Variants in PDE1A observed in about 807,000 individuals in gnomAD.
PDE1A encodes the protein phosphodiesterase 1A, also known as dual specificity calcium/calmodulin-dependent 3',5'-cyclic nucleotide phosphodiesterase 1A.
PDE1A carries 35 observed loss-of-function variants against 61.7 expected under a neutral mutation model. The ratio of observed to expected loss-of-function variants is 0.57; its 90% confidence interval spans 0.43 to 0.75. PDE1A has a LOEUF of 0.75. Ranked by LOEUF, PDE1A falls within the 30% of genes least tolerant of loss-of-function variation. The probability of loss-of-function intolerance (pLI) is 0.00; values close to 1 mark genes in which losing one functional copy is unlikely to be tolerated. For missense variants in PDE1A, 597 were observed against 630.6 expected, an observed-to-expected ratio of 0.95 and a Z score of 0.57; for synonymous variants, 232 against 213.2, an observed-to-expected ratio of 1.09 and a Z score of -0.77.
chr2:182,509,951 C>A (rs929382243), intron 2 of PDE1A, among the ~76,000 whole-genome samples: 5 of 152,056 alleles, frequency 3.3e-5, no homozygotes, highest in Non-Finnish European at 5.9e-5. Flanking sequence ...CCTTGAACAT[C>A]CATACTTATG....
chr2:182,265,899 T>C (rs917470720), intron 1 of PDE1A, among the ~76,000 whole-genome samples: 2 of 152,204 alleles, frequency 1.3e-5, no homozygotes, highest in African/African-American at 2.4e-5. Context: ...AGATTGCGGC[T>C]ACTTTTAGGC....
intron 10 of PDE1A, 97 bp downstream of exon 10, chr2:182,201,342 G>T: frequency 6.9e-7 from 1 of 1,440,728 alleles, no homozygotes; most frequent in Admixed American, 2.2e-5. Context: ...GTTGATAATA[G>T]TAAGTCACAA....
chr2:182,604,306 G>T, the PDE1A span, among the ~76,000 whole-genome samples: 15 of 152,160 alleles, frequency 9.9e-5, no homozygotes, highest in Non-Finnish European at 1.6e-4. Flanking sequence ...AGCACTTTAA[G>T]CCATTCCTAA....
At chr2:182,436,619 GA>G (rs964182167) in intron 2 of PDE1A, among the ~76,000 whole-genome samples, 61 of 151,896 alleles carry the variant, frequency 4.0e-4, no homozygotes, top group African/African-American at 1.3e-3. Flanking sequence ...TGACCCAATG[GA>G]AAATGTGGAG....
In PDE1A at chr2:182,147,118, T is replaced by TAAG. The variant is rs772514679; in HGVS notation, c.1548_1550dup (p.Asp516_Leu517insPhe). 3.7e-6 allele frequency: 6 copies of TAAG among 1,608,344 alleles called. No individual in the cohort carries two copies. In the South Asian group the frequency reaches 5.5e-5, roughly 15 times the overall value. ...CATCATGTTTTTCTTCAGCATTTACTAAGTCTTCTGAGTTCTTATGAAGAT... is the reference window on the plus strand; with the variant it reads ...CATCATGTTTTTCTTCAGCATTTACTAAGAAGTCTTCTGAGTTCTTATGAAGAT... On this transcript the variant is annotated inframe_insertion, in exon 14 of 14. Coordinates refer to the PDE1A transcript ENST00000409365.
At chr2:182,705,318 A>G in the PDE1A span, among the ~76,000 whole-genome samples, 3 of 152,164 alleles carry the variant, frequency 2.0e-5, no homozygotes, top group African/African-American at 4.8e-5. Context: ...ACAATTATTG[A>G]GGGCACATAA....
At chr2:182,182,732 G>A (rs758284593) in intron 13 of PDE1A, among the ~76,000 whole-genome samples, 4 of 150,700 alleles carry the variant, frequency 2.7e-5, no homozygotes, top group Non-Finnish European at 4.4e-5. Context: ...GTTGTTTCTG[G>A]CATGTCAGGC....
chr2:182,313,502 T>C (rs942390786), intron 1 of PDE1A, among the ~76,000 whole-genome samples: 1 of 152,252 alleles, frequency 6.6e-6, no homozygotes, highest in Non-Finnish European at 1.5e-5. Flanking sequence ...ATCCAGATTT[T>C]TCTTTCTTTT....
rs1276873393 is a variant in PDE1A, at chr2:182,342,360, A to AT, written c.54-77947dup. ...TCATGAAGGTTTGTTGTAAAGAAAG[A>AT]TTTTTCAAAGATTCTGAAGCAAAAA... is the stretch of plus-strand genomic sequence containing the variant. On this transcript the variant is annotated intron_variant, in intron 1 of 13. Coordinates refer to ENST00000351439, the Ensembl canonical transcript of PDE1A. Among the ~76,000 whole-genome samples, 4 of 152,206 alleles carry AT rather than the reference A, an allele frequency of 2.6e-5. No homozygotes were observed. In the South Asian group the frequency reaches 6.2e-4, roughly 24 times the overall value.
intron 1 of PDE1A, among the ~76,000 whole-genome samples, chr2:182,366,657 C>G (rs1337688516): frequency 1.3e-5 from 2 of 151,828 alleles, no homozygotes; most frequent in Admixed American, 6.6e-5. Context: ...GCATGAGAAG[C>G]CAGACTGTTT....
the PDE1A span, among the ~76,000 whole-genome samples, chr2:182,621,464 C>A: frequency 6.6e-6 from 1 of 152,112 alleles, no homozygotes; most frequent in Admixed American, 6.5e-5. Flanking sequence ...ATCCTTTTTA[C>A]TCTCCAACCT....
the PDE1A span, among the ~76,000 whole-genome samples, chr2:182,538,558 T>A: frequency 6.6e-6 from 1 of 152,274 alleles, no homozygotes; most frequent in South Asian, 2.1e-4. Context: ...TCATGCCATA[T>A]AAGGAAAATA....
intron 13 of PDE1A, among the ~76,000 whole-genome samples, chr2:182,180,848 C>A (rs1464161270): frequency 6.6e-6 from 1 of 151,622 alleles, no homozygotes; most frequent in African/African-American, 2.4e-5. Context: ...TCTTCAAATT[C>A]TGATATCCTT....
At chr2:182,387,158 C>G (rs970868867) in intron 1 of PDE1A, among the ~76,000 whole-genome samples, 1 of 152,104 alleles carries the variant, frequency 6.6e-6, no homozygotes, top group Non-Finnish European at 1.5e-5. Context: ...TGTGTCCACT[C>G]AGGGTTAAAT....
At chr2:182,311,238 G>A (rs567906354) in intron 1 of PDE1A, among the ~76,000 whole-genome samples, 1 of 152,242 alleles carries the variant, frequency 6.6e-6, no homozygotes, top group Non-Finnish European at 1.5e-5. Context: ...CTAACCAAGT[G>A]AACCTACTCC....
At chr2:182,655,668 C>T in the PDE1A span, among the ~76,000 whole-genome samples, 1 of 152,214 alleles carries the variant, frequency 6.6e-6, no homozygotes, top group Admixed American at 6.5e-5. Context: ...TGAGGTCTTT[C>T]AGGAGAGTTT....
downstream of PDE1A, among the ~76,000 whole-genome samples, chr2:182,146,517 G>T (rs1690503738): frequency 6.6e-6 from 1 of 152,058 alleles, no homozygotes; most frequent in East Asian, 1.9e-4. Context: ...ATGGAGTCTT[G>T]CACTGTCACC....
intron 1 of PDE1A, among the ~76,000 whole-genome samples, chr2:182,307,372 G>A (rs62190170): frequency 0.38 from 57,984 of 151,880 alleles, 11,664 homozygotes; most frequent in Non-Finnish European, 0.47. Context: ...TTTTTGTTGT[G>A]GGAGTGGGTT....
intron 2 of PDE1A, among the ~76,000 whole-genome samples, chr2:182,437,656 C>G (rs930102412): frequency 6.6e-6 from 1 of 151,872 alleles, no homozygotes; most frequent in Non-Finnish European, 1.5e-5. Flanking sequence ...CTGGGACTGA[C>G]AAAACAAAGG....
Sources: gnomAD v4.1 joint callset for allele counts (sites outside exome capture counted in the v4.1 genomes callset) on GRCh38, gnomAD v4.1.1 for gene constraint, MANE v1.5 for transcripts, NCBI Gene and HGNC (gene_info 2026-07-23, HGNC 2026-07-21) for gene names.